Variants in CNTN4 observed in about 807,000 individuals in gnomAD.
The protein encoded by CNTN4 is contactin 4.
In CNTN4, 77 loss-of-function variants were observed where a neutral mutation model predicts 122.5. The observed-to-expected ratio is 0.63, with a 90% CI of 0.52 to 0.76. CNTN4 has a LOEUF of 0.76. CNTN4 is among the 30% of genes least tolerant of loss of function. The probability of loss-of-function intolerance (pLI) is 0.00; values close to 1 mark genes in which losing one functional copy is unlikely to be tolerated. For synonymous variants in CNTN4, 512 were observed against 447.0 expected (o/e 1.15, Z -1.83); for missense variants, 1,256 against 1,259.1 (o/e 1.00, Z 0.04).
intron 2 of CNTN4, among the ~76,000 whole-genome samples, chr3:2,163,695 G>A (rs1164545800): frequency 2.0e-5 from 3 of 150,996 alleles, no homozygotes; most frequent in African/African-American, 7.3e-5. Context: ...GACATGAATA[G>A]ACAATTCACA....
intron 10 of CNTN4, among the ~76,000 whole-genome samples, chr3:2,891,128 A>G (rs1039357242): frequency 1.3e-5 from 2 of 152,190 alleles, no homozygotes; most frequent in Non-Finnish European, 2.9e-5. Flanking sequence ...AAATAAATTA[A>G]CTAGGAAATT....
chr3:2,216,007 A>G (rs1167261261), intron 2 of CNTN4, among the ~76,000 whole-genome samples: 1 of 152,124 alleles, frequency 6.6e-6, no homozygotes, highest in African/African-American at 2.4e-5. Flanking sequence ...AAGCAGAACT[A>G]CCATTTGATC....
chr3:2,317,073 T>C (rs2043128936), intron 2 of CNTN4, among the ~76,000 whole-genome samples: 1 of 152,226 alleles, frequency 6.6e-6, no homozygotes. Flanking sequence ...CTCAGACCTC[T>C]CTTAAATACT....
intron 4 of CNTN4, among the ~76,000 whole-genome samples, chr3:2,660,898 C>T (rs2083857965): frequency 6.6e-6 from 1 of 152,204 alleles, no homozygotes; most frequent in Non-Finnish European, 1.5e-5. Context: ...GGAACTCAAG[C>T]CCAGAATGGC....
intron 4 of CNTN4, among the ~76,000 whole-genome samples, chr3:2,674,174 G>A (rs747155556): frequency 1.1e-4 from 16 of 152,140 alleles, no homozygotes; most frequent in Non-Finnish European, 2.1e-4. Context: ...AGTACTTACC[G>A]CATACAATCC....
intron 14 of CNTN4, among the ~76,000 whole-genome samples, chr3:3,009,524 C>T (rs1481047813): frequency 6.6e-6 from 1 of 151,106 alleles, no homozygotes; most frequent in Non-Finnish European, 1.5e-5. Context: ...AGCTCCGCCC[C>T]CCGGGTTCCC....
At chr3:2,772,370 G>C (rs1205612983) in intron 6 of CNTN4, among the ~76,000 whole-genome samples, 3 of 151,744 alleles carry the variant, frequency 2.0e-5, no homozygotes. Flanking sequence ...AAATCGTCAA[G>C]GTTCGTTGGA....
At chr3:2,481,063 C>CTTTCTTTCTTTCTT (rs1575730827) in intron 3 of CNTN4, among the ~76,000 whole-genome samples, 1,394 of 38,736 alleles carry the variant, frequency 0.036, 19 homozygotes, top group African/African-American at 0.082. Context: ...CTTTCTTTCT[C>CTTTCTTTCTTTCTT]TCTTTCTCTC....
intron 12 of CNTN4, among the ~76,000 whole-genome samples, chr3:2,921,616 A>G (rs892802191): frequency 6.6e-6 from 1 of 152,246 alleles, no homozygotes; most frequent in Non-Finnish European, 1.5e-5. Flanking sequence ...AGCTGGCCTT[A>G]ATATTCTCCA....
At chr3:2,651,898 G>A (rs961634825) in intron 4 of CNTN4, among the ~76,000 whole-genome samples, 1 of 151,548 alleles carries the variant, frequency 6.6e-6, no homozygotes, top group Non-Finnish European at 1.5e-5. Flanking sequence ...GTAAAGATGG[G>A]GTTTCACCAT....
At chr3:2,449,158 T>G (rs533821328) in intron 3 of CNTN4, among the ~76,000 whole-genome samples, 2 of 152,318 alleles carry the variant, frequency 1.3e-5, no homozygotes, top group Admixed American at 1.3e-4. Flanking sequence ...GCATGTTGGA[T>G]TTAAAAGACA....
intron 2 of CNTN4, among the ~76,000 whole-genome samples, chr3:2,102,059 A>T (rs1403014801): frequency 6.6e-6 from 1 of 152,224 alleles, no homozygotes; most frequent in African/African-American, 2.4e-5. Flanking sequence ...GGTGTAAAGG[A>T]TGAATGTGTT....
At chr3:2,637,230 C>T (rs1485347737) in intron 4 of CNTN4, among the ~76,000 whole-genome samples, 1 of 152,080 alleles carries the variant, frequency 6.6e-6, no homozygotes, top group African/African-American at 2.4e-5. Context: ...TCCTGAGCCA[C>T]CGTACCTGGC....
intron 3 of CNTN4, chr3:2,362,540 C>A (rs2045200573): frequency 1.2e-5 from 7 of 604,168 alleles, no homozygotes; most frequent in South Asian, 7.1e-5. Flanking sequence ...CCTAAGAAGC[C>A]CATTCCTCGG....
intron 8 of CNTN4, among the ~76,000 whole-genome samples, chr3:2,880,994 G>A (rs73805427): frequency 6.6e-6 from 1 of 152,166 alleles, no homozygotes; most frequent in Non-Finnish European, 1.5e-5. Flanking sequence ...TGAACCAAAT[G>A]ATATCAAAGG....
rs1701781499 is a variant in CNTN4 at position 3,056,174 on chromosome 3, C to T, written c.3035C>T (p.Ala1012Val). ...ASTSNACTLSAISTIMISLTA... is the reference protein window; with the variant it reads ...ASTSNACTLSVISTIMISLTA... The stretch of plus-strand genomic sequence containing the variant: ...ACTTCGAATGCATGTACGCTGTCAG[C>T]CATCAGTACAATAATGATTTCCCTC... The change falls in exon 25 of 25, where the codon GCC (alanine) becomes GTC (valine). Residue 1012 changes from alanine (A) to valine (V), a missense_variant. Ala to Val is a moderately conservative substitution (Grantham distance 64). Coordinates refer to ENST00000418658, the MANE Select transcript of CNTN4 (RefSeq NM_175607.3). The T allele has an allele frequency of 6.2e-7, 1 of 1,613,964 alleles. No individual in the cohort carries two copies. Among genetic ancestry groups the T allele is most frequent in the Non-Finnish European group, 8.5e-7 (1 of 1,179,952 alleles).
intron 9 of CNTN4, 32 bp downstream of exon 9, chr3:2,883,279 C>G (rs1356173981): frequency 1.3e-6 from 2 of 1,502,176 alleles, no homozygotes. Flanking sequence ...TTCTCATCCT[C>G]CCTTCAGCTT....
At chr3:2,646,159 T>C (rs1429267180) in intron 4 of CNTN4, among the ~76,000 whole-genome samples, 1 of 152,198 alleles carries the variant, frequency 6.6e-6, no homozygotes, top group African/African-American at 2.4e-5. Flanking sequence ...TAATTTCACA[T>C]GGCATAACAT....
At chr3:2,831,625 T>C (rs1037533653) in intron 7 of CNTN4, among the ~76,000 whole-genome samples, 13 of 152,330 alleles carry the variant, frequency 8.5e-5, no homozygotes, top group African/African-American at 3.1e-4. Flanking sequence ...TAACACATTA[T>C]CACAATCTTC....
Sources: gnomAD v4.1 joint callset for allele counts (sites outside exome capture counted in the v4.1 genomes callset) on GRCh38, gnomAD v4.1.1 for gene constraint, MANE v1.5 for transcripts, NCBI Gene and HGNC (gene_info 2026-07-23, HGNC 2026-07-21) for gene names.